Variants in FAM169A observed in about 807,000 individuals in gnomAD.
FAM169A encodes family with sequence similarity 169 member A.
FAM169A carries 24 observed loss-of-function variants against 75.7 expected under a neutral mutation model. The observed-to-expected ratio is 0.32, with a 90% CI of 0.23 to 0.45. The LOEUF is 0.45. FAM169A is among the 20% of genes least tolerant of loss of function. FAM169A has a pLI of 1.00. For synonymous variants in FAM169A, 271 were observed against 271.0 expected (o/e 1.00, Z 0.00); for missense variants, 673 against 784.0 (o/e 0.86, Z 1.69).
chr5:74,851,745 T>C (rs1369688730), intron 1 of FAM169A, among the ~76,000 whole-genome samples: 1 of 152,162 alleles, frequency 6.6e-6, no homozygotes, highest in Non-Finnish European at 1.5e-5. Flanking sequence ...AAATCAGCAG[T>C]GTACAAAGCT....
chr5:74,818,803 C>CTCTCTCTATA (rs1451956898), intron 5 of FAM169A, among the ~76,000 whole-genome samples: 2 of 121,620 alleles, frequency 1.6e-5, no homozygotes, highest in Admixed American at 8.3e-5. Flanking sequence ...CTCTCTCTCT[C>CTCTCTCTATA]TATATATATA....
At chr5:74,853,253 T>C (rs535704409) in intron 1 of FAM169A, among the ~76,000 whole-genome samples, 17 of 152,340 alleles carry the variant, frequency 1.1e-4, no homozygotes, top group African/African-American at 3.8e-4. Context: ...CAATCTTTTT[T>C]TAAACTCAGA....
chr5:74,818,630 C>T (rs1747596085), intron 5 of FAM169A, among the ~76,000 whole-genome samples: 2 of 128,646 alleles, frequency 1.6e-5, no homozygotes, highest in Non-Finnish European at 3.2e-5. Context: ...ATATAAAATC[C>T]TAGAAAAAGC....
chr5:74,855,462 C>T (rs777505221), intron 1 of FAM169A, among the ~76,000 whole-genome samples: 12 of 152,140 alleles, frequency 7.9e-5, no homozygotes, highest in Non-Finnish European at 1.2e-4. Context: ...CCACCCAAAG[C>T]GCTGGGATTA....
chr5:74,804,438 T>C (rs1746745252), intron 8 of FAM169A, 55 bp downstream of exon 8: 4 of 881,994 alleles, frequency 4.5e-6, no homozygotes, highest in Non-Finnish European at 1.7e-6. Context: ...GTATCTATTT[T>C]TTAAAAACAC....
At position 74,780,164 on chromosome 5, in the gene FAM169A, CAATATATACTT is replaced by C. The variant is rs1344793076; in HGVS notation, c.*1285_*1295del. On this transcript the variant is annotated 3_prime_UTR_variant, in exon 13 of 13. Coordinates refer to ENST00000687041, the MANE Select transcript of FAM169A (RefSeq NM_001376049.1). ...TTCCTAGGCCTTTGTTATGGCAACA[CAATATATACTT>C]AACAGGCCAGCTTGCAACCAGTACT... The C allele has an allele frequency of 6.6e-6, 1 of 152,052 alleles. No homozygotes were observed. Among genetic ancestry groups the C allele is most frequent in the Non-Finnish European group, 1.5e-5 (1 of 68,008 alleles). The allele number at this position is 152,052 out of a possible 1,614,324, so 9.4% of individuals were successfully genotyped here.
At chr5:74,812,251 G>C (rs1747235225) in intron 6 of FAM169A, among the ~76,000 whole-genome samples, 1 of 152,092 alleles carries the variant, frequency 6.6e-6, no homozygotes, top group African/African-American at 2.4e-5. Flanking sequence ...AGCCCCTCAA[G>C]TAACCGGGAC....
chr5:74,864,008 C>G (rs1580183625), intron 1 of FAM169A, among the ~76,000 whole-genome samples: 1 of 152,182 alleles, frequency 6.6e-6, no homozygotes, highest in South Asian at 2.1e-4. Context: ...AGGTTCTTCT[C>G]GCCTCCATAA....
chr5:74,862,682 G>C (rs182392959), intron 1 of FAM169A, among the ~76,000 whole-genome samples: 1 of 152,142 alleles, frequency 6.6e-6, no homozygotes, highest in South Asian at 2.1e-4. Context: ...ACCTTACAAG[G>C]ACTACTGGAA....
intron 11 of FAM169A, among the ~76,000 whole-genome samples, chr5:74,786,921 C>CAGAGCTTGT (rs1035354419): frequency 4.1e-4 from 62 of 152,276 alleles, no homozygotes; most frequent in African/African-American, 1.4e-3. Flanking sequence ...GCTGGGGACA[C>CAGAGCTTGT]AGAGCTTGTA....
chr5:74,810,492 G>A (rs1448323657), intron 6 of FAM169A, among the ~76,000 whole-genome samples: 1 of 152,092 alleles, frequency 6.6e-6, no homozygotes, highest in Non-Finnish European at 1.5e-5. Flanking sequence ...GCTCACGCCT[G>A]TAATCCTACC....
chr5:74,853,440 T>C (rs1213680161), intron 1 of FAM169A, among the ~76,000 whole-genome samples: 3 of 152,176 alleles, frequency 2.0e-5, no homozygotes, highest in African/African-American at 7.2e-5. Flanking sequence ...TTAAGTAAGC[T>C]GTCCAAGTTC....
chr5:74,815,906 C>T (rs756654068), intron 5 of FAM169A, among the ~76,000 whole-genome samples: 6 of 152,200 alleles, frequency 3.9e-5, no homozygotes, highest in Non-Finnish European at 7.4e-5. Flanking sequence ...GAATAATCCA[C>T]CCCTTCTTTA....
intron 5 of FAM169A, among the ~76,000 whole-genome samples, chr5:74,819,434 C>A (rs910991907): frequency 1.3e-5 from 2 of 152,108 alleles, no homozygotes; most frequent in Admixed American, 6.6e-5. Context: ...AAACTGCAAC[C>A]CTCACACATT....
intron 10 of FAM169A, among the ~76,000 whole-genome samples, chr5:74,798,641 A>T (rs188296421): frequency 6.6e-6 from 1 of 152,326 alleles, no homozygotes; most frequent in African/African-American, 2.4e-5. Flanking sequence ...GAATTAACTA[A>T]ATGGTTGACT....
intron 11 of FAM169A, among the ~76,000 whole-genome samples, chr5:74,789,404 C>T (rs10037100): frequency 0.026 from 4,018 of 152,334 alleles, 76 homozygotes; most frequent in Non-Finnish European, 0.037. Flanking sequence ...TTGGCCCCTA[C>T]TACAACCAAG....
intron 10 of FAM169A, among the ~76,000 whole-genome samples, chr5:74,797,837 C>T (rs1167905467): frequency 1.3e-5 from 2 of 152,090 alleles, no homozygotes; most frequent in South Asian, 2.1e-4. Flanking sequence ...GTTCCAAACA[C>T]TCAACTCTGC....
intron 7 of FAM169A, 103 bp from the exon 8 acceptor site, chr5:74,804,708 G>A (rs1746773161): frequency 3.5e-6 from 2 of 575,108 alleles, no homozygotes; most frequent in African/African-American, 3.8e-5. Flanking sequence ...AGCCTGGACA[G>A]AAGGGTCACG....
intron 6 of FAM169A, among the ~76,000 whole-genome samples, chr5:74,812,445 C>CT (rs756133796): frequency 9.6e-4 from 138 of 144,412 alleles, no homozygotes; most frequent in African/African-American, 1.7e-3. Context: ...ACTTTTTAAA[C>CT]TTTTTTTTTT....
Sources: allele counts gnomAD v4.1 joint callset (sites outside exome capture counted in the v4.1 genomes callset), GRCh38; gene constraint gnomAD v4.1.1; transcripts MANE v1.5; gene names NCBI Gene and HGNC (gene_info 2026-07-23, HGNC 2026-07-21).